The following RARB variants were observed in gnomAD, a reference collection of about 807,000 sequenced individuals.
RARB encodes retinoic acid receptor beta.
Under a neutral mutation model 51.9 loss-of-function variants are expected in RARB, and 17 were observed. That is an observed-to-expected ratio of 0.33 (90% CI 0.22 to 0.49). The LOEUF (loss-of-function observed/expected upper bound fraction) is 0.49. Ranked by LOEUF, RARB falls within the 20% of genes least tolerant of loss-of-function variation. The probability of loss-of-function intolerance (pLI) is 0.99; values close to 1 mark genes in which losing one functional copy is unlikely to be tolerated. For missense variants in RARB, 369 were observed against 550.8 expected, an observed-to-expected ratio of 0.67 and a Z score of 3.30; for synonymous variants, 215 against 195.4, an observed-to-expected ratio of 1.10 and a Z score of -0.84.
At chr3:25,145,716 A>T (rs1700177377) in intron 4 of RARB, among the ~76,000 whole-genome samples, 1 of 152,108 alleles carries the variant, frequency 6.6e-6, no homozygotes, top group South Asian at 2.1e-4. Flanking sequence ...CTTGTCAAAA[A>T]ATTCATGCCT....
intron 4 of RARB, among the ~76,000 whole-genome samples, chr3:25,142,710 G>A (rs1394889102): frequency 1.3e-5 from 2 of 151,852 alleles, no homozygotes; most frequent in Admixed American, 1.3e-4. Context: ...TCTACCTTTT[G>A]AAGGGGAAAT....
intron 1 of RARB, among the ~76,000 whole-genome samples, chr3:25,454,796 A>G (rs1384899037): frequency 1.3e-5 from 2 of 152,228 alleles, no homozygotes; most frequent in Admixed American, 1.3e-4. Flanking sequence ...ATTGTCGAAG[A>G]CTTTCTGTGT....
intron 2 of RARB, among the ~76,000 whole-genome samples, chr3:24,868,179 G>A (rs967800086): frequency 1.3e-5 from 2 of 152,090 alleles, no homozygotes; most frequent in African/African-American, 4.8e-5. Context: ...AAATGCATGT[G>A]TTACATGTGG....
At chr3:25,566,923 C>T (rs529332700) in intron 3 of RARB, among the ~76,000 whole-genome samples, 3 of 152,102 alleles carry the variant, frequency 2.0e-5, no homozygotes, top group Non-Finnish European at 2.9e-5. Flanking sequence ...GTCATAAGGC[C>T]CACCTCACCT....
intron 2 of RARB, among the ~76,000 whole-genome samples, chr3:25,042,580 G>T (rs1265116729): frequency 1.3e-5 from 2 of 152,146 alleles, no homozygotes; most frequent in African/African-American, 2.4e-5. Context: ...TAACATTCAG[G>T]CTTCTGATGG....
In RARB at chr3:24,889,087, G is replaced by T. The variant is rs148417880; in HGVS notation, c.-380+30335G>T. ...GGGCAGGAAGTGAGAGCAATGCACT[G>T]TCCCCTGTGAGGACTCACTACATAT... On this transcript the variant is annotated intron_variant, in intron 2 of 11. Transcript: ENST00000383772. Among the ~76,000 whole-genome samples, 18 of 152,314 alleles carry T rather than the reference G, an allele frequency of 1.2e-4. No homozygotes were observed. The East Asian group carries it at 3.3e-3, about 28-fold the overall frequency.
At chr3:24,884,992 C>A (rs1278969682) in intron 2 of RARB, among the ~76,000 whole-genome samples, 1 of 152,084 alleles carries the variant, frequency 6.6e-6, no homozygotes. Context: ...AGGATGGTGG[C>A]AGAACGTAAT....
chr3:25,259,694 A>G (rs75112588), intron 5 of RARB, among the ~76,000 whole-genome samples: 1,599 of 152,322 alleles, frequency 0.01, 22 homozygotes, highest in Non-Finnish European at 0.016. Flanking sequence ...ACATTTTTAA[A>G]TAAATGCATC....
intron 3 of RARB, among the ~76,000 whole-genome samples, chr3:25,122,750 G>A (rs1430099001): frequency 2.0e-5 from 3 of 152,166 alleles, no homozygotes; most frequent in African/African-American, 4.8e-5. Flanking sequence ...TACAGAAGAC[G>A]GAGGATGGAT....
At chr3:25,537,907 G>T (rs369321725) in intron 3 of RARB, among the ~76,000 whole-genome samples, 13 of 152,240 alleles carry the variant, frequency 8.5e-5, no homozygotes, top group Middle Eastern at 3.4e-3. Context: ...TGGAAGTCAG[G>T]ATATCTAGGT....
intron 5 of RARB, among the ~76,000 whole-genome samples, chr3:25,193,746 C>G (rs1701160452): frequency 6.6e-6 from 1 of 151,670 alleles, no homozygotes; most frequent in African/African-American, 2.4e-5. Context: ...TGTTGTTTTT[C>G]AGAGAAAGAA....
At chr3:25,588,645 T>C (rs1020263538) in intron 5 of RARB, among the ~76,000 whole-genome samples, 72 of 152,148 alleles carry the variant, frequency 4.7e-4, no homozygotes, top group African/African-American at 1.5e-3. Context: ...TGTCATGAAA[T>C]AGCAATCAAG....
intron 2 of RARB, among the ~76,000 whole-genome samples, chr3:25,021,047 A>G (rs1013270941): frequency 3.9e-5 from 6 of 152,244 alleles, no homozygotes; most frequent in Admixed American, 2.6e-4. Context: ...AGCATCTCTA[A>G]TGAAAGTAAA....
chr3:25,288,788 A>G (rs931480751), intron 5 of RARB, among the ~76,000 whole-genome samples: 6 of 151,504 alleles, frequency 4.0e-5, no homozygotes, highest in Admixed American at 3.9e-4. Context: ...CTTCTCCCCT[A>G]CAGATTGAAA....
At chr3:24,852,152 A>C (rs1204160002) in intron 1 of RARB, among the ~76,000 whole-genome samples, 1 of 152,228 alleles carries the variant, frequency 6.6e-6, no homozygotes, top group Non-Finnish European at 1.5e-5. Context: ...TGATGGGTTA[A>C]CAGTAATATA....
At chr3:25,259,116 A>G (rs540784503) in intron 5 of RARB, 7 of 963,492 alleles carry the variant, frequency 7.3e-6, no homozygotes, top group Non-Finnish European at 8.6e-6. Flanking sequence ...CAAAATGACA[A>G]TAACACACCT....
At chr3:25,009,293 T>G (rs1238641306) in intron 2 of RARB, among the ~76,000 whole-genome samples, 1 of 152,194 alleles carries the variant, frequency 6.6e-6, no homozygotes, top group Non-Finnish European at 1.5e-5. Flanking sequence ...TCTATAATTT[T>G]GTGACTTAGT....
intron 2 of RARB, among the ~76,000 whole-genome samples, chr3:24,893,684 AT>A (rs35567273): frequency 0.26 from 37,410 of 144,450 alleles, 6,216 homozygotes; most frequent in African/African-American, 0.48. Flanking sequence ...TGCCTCACTG[AT>A]TTTTTTTTTT....
intron 3 of RARB, among the ~76,000 whole-genome samples, chr3:25,071,626 A>G (rs1698767670): frequency 6.6e-6 from 1 of 152,236 alleles, no homozygotes; most frequent in Admixed American, 6.5e-5. Context: ...CAGTATAATC[A>G]GTTGGCTGAG....
Sources: gnomAD v4.1 joint callset for allele counts (sites outside exome capture counted in the v4.1 genomes callset) on GRCh38, gnomAD v4.1.1 for gene constraint, MANE v1.5 for transcripts, NCBI Gene and HGNC (gene_info 2026-07-23, HGNC 2026-07-21) for gene names.